PRELID2: variants seen among roughly 807,000 people sequenced by gnomAD.
PRELID2 encodes the protein PRELI domain containing 2.
PRELID2 carries 25 observed loss-of-function variants against 28.4 expected under a neutral mutation model. The ratio of observed to expected loss-of-function variants is 0.88; its 90% CI spans 0.64 to 1.23. The LOEUF (loss-of-function observed/expected upper bound fraction) is 1.23, where lower values mean the gene tolerates loss of function less well. Among genes scored for constraint, PRELID2 ranks in the 50% most tolerant of loss-of-function variants. The pLI is 0.00. For synonymous variants in PRELID2, 76 were observed against 71.6 expected (o/e 1.06, Z -0.31); for missense variants, 201 against 214.4 (o/e 0.94, Z 0.39).
At chr5:145,323,067 G>C in the PRELID2 span, among the ~76,000 whole-genome samples, 7 of 152,210 alleles carry the variant, frequency 4.6e-5, no homozygotes, top group Admixed American at 2.0e-4. Flanking sequence ...ACAGGGTCCT[G>C]AGATACCAAT....
chr5:145,413,362 A>G, the PRELID2 span, among the ~76,000 whole-genome samples: 2 of 152,208 alleles, frequency 1.3e-5, no homozygotes, highest in South Asian at 4.2e-4. Flanking sequence ...TGAAAAGGGA[A>G]CACTTTTACA....
chr5:145,454,821 G>C, the PRELID2 span, among the ~76,000 whole-genome samples: 1 of 151,994 alleles, frequency 6.6e-6, no homozygotes, highest in East Asian at 1.9e-4. Flanking sequence ...CTTTTTGATG[G>C]GATTGTTTGC....
At chr5:145,572,787 G>C (rs1441764538) in intron 1 of PRELID2, among the ~76,000 whole-genome samples, 1 of 152,126 alleles carries the variant, frequency 6.6e-6, no homozygotes, top group Non-Finnish European at 1.5e-5. Flanking sequence ...CTTATCTCCA[G>C]TGTAATTGCT....
intron 1 of PRELID2, chr5:145,729,329 A>G (rs1288468278): frequency 3.4e-6 from 3 of 882,150 alleles, no homozygotes; most frequent in South Asian, 1.6e-5. Flanking sequence ...AAATTTCTTT[A>G]CATTTAGCCC....
the PRELID2 span, among the ~76,000 whole-genome samples, chr5:145,301,715 T>C: frequency 6.6e-6 from 1 of 152,146 alleles, no homozygotes; most frequent in East Asian, 1.9e-4. Context: ...ATCGTTTGAT[T>C]ACATTTGTTG....
At chr5:145,454,237 A>G in the PRELID2 span, among the ~76,000 whole-genome samples, 1 of 152,166 alleles carries the variant, frequency 6.6e-6, no homozygotes, top group African/African-American at 2.4e-5. Context: ...CAGCCCTTCA[A>G]GCTAAAAATT....
chr5:145,390,674 A>G, the PRELID2 span, among the ~76,000 whole-genome samples: 1 of 152,164 alleles, frequency 6.6e-6, no homozygotes, highest in Non-Finnish European at 1.5e-5. Context: ...TTCACATTTC[A>G]AAACACCGTC....
the PRELID2 span, among the ~76,000 whole-genome samples, chr5:145,270,057 A>G: frequency 6.6e-6 from 1 of 151,770 alleles, no homozygotes; most frequent in Non-Finnish European, 1.5e-5. Context: ...ACAGGCTAGA[A>G]TGATTACTAT....
the PRELID2 span, among the ~76,000 whole-genome samples, chr5:145,266,718 T>C: frequency 2.6e-5 from 4 of 152,162 alleles, no homozygotes; most frequent in Non-Finnish European, 5.9e-5. Context: ...TAAGTCATTA[T>C]ATGAAAAAGA....
At chr5:145,534,935 G>A (rs755981695) in intron 1 of PRELID2, among the ~76,000 whole-genome samples, 2 of 151,808 alleles carry the variant, frequency 1.3e-5, no homozygotes, top group African/African-American at 4.8e-5. Flanking sequence ...TTGCTATTTC[G>A]CTGATCTAAG....
intron 5 of PRELID2, 71 bp downstream of exon 5, chr5:145,796,371 A>T (rs747063483): frequency 2.1e-6 from 2 of 935,468 alleles, no homozygotes; most frequent in South Asian, 3.1e-5. Context: ...CATGAGTCTT[A>T]TTCAATAACC....
At chr5:145,288,837 T>C in the PRELID2 span, among the ~76,000 whole-genome samples, 2 of 152,128 alleles carry the variant, frequency 1.3e-5, no homozygotes, top group African/African-American at 4.8e-5. Flanking sequence ...AACTTCTTAC[T>C]CTAACAATGA....
At chr5:145,415,007 T>A in the PRELID2 span, among the ~76,000 whole-genome samples, 2 of 152,208 alleles carry the variant, frequency 1.3e-5, no homozygotes, top group African/African-American at 4.8e-5. Context: ...GATAGATATC[T>A]ATAGAACTCT....
the PRELID2 span, among the ~76,000 whole-genome samples, chr5:145,447,487 ATACTT>A: frequency 1.1e-5 from 1 of 89,122 alleles, no homozygotes; most frequent in Non-Finnish European, 2.5e-5. Context: ...TTTTTTTATT[ATACTT>A]TAAGTTTTAG....
chr5:145,462,824 C>G, the PRELID2 span, among the ~76,000 whole-genome samples: 1 of 152,156 alleles, frequency 6.6e-6, no homozygotes, highest in East Asian at 1.9e-4. Context: ...CTAGTTGGCT[C>G]CTTAATCCTA....
At chr5:145,652,414 T>G (rs933052533) in intron 1 of PRELID2, among the ~76,000 whole-genome samples, 12 of 151,990 alleles carry the variant, frequency 7.9e-5, no homozygotes, top group African/African-American at 2.9e-4. Context: ...ACAAAGATAC[T>G]CCTTGAGAAG....
At chr5:145,742,647 T>G (rs6898331) in intron 1 of PRELID2, among the ~76,000 whole-genome samples, 137,191 of 150,324 alleles carry the variant, frequency 0.91, 62,658 homozygotes, top group East Asian at 0.99. Flanking sequence ...CATTATAAAA[T>G]AAAAAAGTCT....
the PRELID2 span, among the ~76,000 whole-genome samples, chr5:145,255,249 C>T: frequency 6.6e-6 from 1 of 151,674 alleles, no homozygotes. Context: ...ATAAAGATGA[C>T]TCAGATGTTA....
the PRELID2 span, among the ~76,000 whole-genome samples, chr5:145,394,473 CCTAATG>C: frequency 2.0e-5 from 3 of 151,614 alleles, no homozygotes; most frequent in Non-Finnish European, 2.9e-5. Context: ...AGGTGATATA[CCTAATG>C]CTAAATGACA....
Sources: gnomAD v4.1 joint callset for allele counts (sites outside exome capture counted in the v4.1 genomes callset) on GRCh38, gnomAD v4.1.1 for gene constraint, MANE v1.5 for transcripts, NCBI Gene and HGNC (gene_info 2026-07-23, HGNC 2026-07-21) for gene names.